Variants in EPHA6 observed in about 807,000 individuals in gnomAD.
The protein encoded by EPHA6 is ephrin type-A receptor 6.
EPHA6 carries 50 observed loss-of-function variants against 112.0 expected under a neutral mutation model. The ratio of observed to expected loss-of-function variants is 0.45; its 90% CI spans 0.36 to 0.56. The LOEUF (loss-of-function observed/expected upper bound fraction) is 0.56. Among genes scored for constraint, EPHA6 ranks in the 20% least tolerant of loss-of-function variants. The probability of loss-of-function intolerance (pLI) is 0.00; values close to 1 mark genes in which losing one functional copy is unlikely to be tolerated. For missense variants in EPHA6, 1,280 were observed against 1,417.4 expected, an observed-to-expected ratio of 0.90 and a Z score of 1.56; for synonymous variants, 529 against 490.7, an observed-to-expected ratio of 1.08 and a Z score of -1.03.
chr3:97,295,719 G>A (rs2080851810), intron 5 of EPHA6, among the ~76,000 whole-genome samples: 1 of 151,956 alleles, frequency 6.6e-6, no homozygotes, highest in African/African-American at 2.4e-5. Flanking sequence ...TTTTACTGAA[G>A]ATGTGTTGAT....
intron 13 of EPHA6, among the ~76,000 whole-genome samples, chr3:97,611,278 T>G (rs2093718152): frequency 6.6e-6 from 1 of 151,888 alleles, no homozygotes; most frequent in Non-Finnish European, 1.5e-5. Context: ...TGACTCAAGT[T>G]CATTTCAGAA....
At chr3:97,597,659 A>T (rs557992170) in intron 12 of EPHA6, among the ~76,000 whole-genome samples, 1 of 152,382 alleles carries the variant, frequency 6.6e-6, no homozygotes, top group South Asian at 2.1e-4. Flanking sequence ...ATGTCTTTAC[A>T]GTACACTAAC....
At chr3:97,079,250 A>G (rs1251238812) in intron 3 of EPHA6, among the ~76,000 whole-genome samples, 1 of 152,200 alleles carries the variant, frequency 6.6e-6, no homozygotes, top group Non-Finnish European at 1.5e-5. Context: ...GATATACACC[A>G]TGGGATACTG....
At chr3:97,432,140 C>T (rs933765150) in intron 6 of EPHA6, among the ~76,000 whole-genome samples, 2 of 152,016 alleles carry the variant, frequency 1.3e-5, no homozygotes, top group Non-Finnish European at 2.9e-5. Flanking sequence ...GTGCCAGACC[C>T]CTGGGAATTT....
intron 5 of EPHA6, among the ~76,000 whole-genome samples, chr3:97,250,078 A>T (rs1321425599): frequency 6.6e-6 from 1 of 152,198 alleles, no homozygotes; most frequent in Admixed American, 6.5e-5. Context: ...TTGAAGAGAA[A>T]ATCTTGTAAC....
intron 13 of EPHA6, among the ~76,000 whole-genome samples, chr3:97,618,253 G>T (rs1281956510): frequency 6.6e-6 from 1 of 152,044 alleles, no homozygotes; most frequent in Admixed American, 6.6e-5. Context: ...CAATGTGCCA[G>T]AATCTCTGGG....
chr3:96,890,815 G>T (rs965715254), intron 2 of EPHA6, among the ~76,000 whole-genome samples: 1 of 152,210 alleles, frequency 6.6e-6, no homozygotes, highest in Non-Finnish European at 1.5e-5. Context: ...GTCAGATGTG[G>T]TGGCTCATGC....
At chr3:97,018,474 C>T (rs1296612976) in intron 3 of EPHA6, among the ~76,000 whole-genome samples, 1 of 152,174 alleles carries the variant, frequency 6.6e-6, no homozygotes, top group African/African-American at 2.4e-5. Context: ...AGTGAGCCAT[C>T]TCCAATGATA....
chr3:96,904,961 G>A (rs1458658167), intron 2 of EPHA6, among the ~76,000 whole-genome samples: 5 of 152,024 alleles, frequency 3.3e-5, no homozygotes, highest in Middle Eastern at 3.2e-3. Flanking sequence ...GATACCCATC[G>A]TATGCATTGA....
chr3:97,370,363 C>CA (rs2084977279), intron 5 of EPHA6, among the ~76,000 whole-genome samples: 1 of 152,132 alleles, frequency 6.6e-6, no homozygotes, highest in Non-Finnish European at 1.5e-5. Flanking sequence ...TCCTTGACCA[C>CA]AAAAAATTCT....
intron 14 of EPHA6, among the ~76,000 whole-genome samples, chr3:97,693,765 G>A (rs971814118): frequency 2.6e-5 from 4 of 152,046 alleles, no homozygotes; most frequent in African/African-American, 4.8e-5. Context: ...CCGAGATCGC[G>A]CCACTGCACT....
In EPHA6 at chr3:97,148,337, G is replaced by C. The variant is rs1029856204; in HGVS notation, c.1115-77927G>C. ...AAAAATTAAAAATTGGTTGGATGTG[G>C]TGGCATGCCCCTGTAGTCCTAGCCT... is the stretch of plus-strand genomic sequence containing the variant. On this transcript the variant is annotated intron_variant, in intron 3 of 17. Transcript: ENST00000389672. Among the ~76,000 whole-genome samples, 77 of 151,996 alleles carry C rather than the reference G, an allele frequency of 5.1e-4. 1 individual carries two copies. Among genetic ancestry groups the C allele is most frequent in the Admixed American group, 6.6e-5 (1 of 15,234 alleles).
intron 14 of EPHA6, chr3:97,646,164 G>C (rs1448736519): frequency 6.5e-7 from 1 of 1,535,534 alleles, no homozygotes; most frequent in Non-Finnish European, 8.7e-7. Flanking sequence ...GGTTAAAGAA[G>C]ATGGTCTGGA....
At chr3:97,354,726 G>A (rs953961159) in intron 5 of EPHA6, among the ~76,000 whole-genome samples, 1 of 152,074 alleles carries the variant, frequency 6.6e-6, no homozygotes, top group African/African-American at 2.4e-5. Context: ...TCCAAACCTA[G>A]AGAAAGATAT....
At chr3:97,497,670 GTTTA>G (rs1309562356) in intron 10 of EPHA6, among the ~76,000 whole-genome samples, 11 of 152,098 alleles carry the variant, frequency 7.2e-5, no homozygotes, top group South Asian at 2.1e-4. Context: ...ATTTACAAGT[GTTTA>G]TTTATCTATT....
chr3:97,367,478 C>T (rs2084800873), intron 5 of EPHA6, among the ~76,000 whole-genome samples: 1 of 152,034 alleles, frequency 6.6e-6, no homozygotes. Flanking sequence ...CAGCTTCTCT[C>T]TCTCACTCTT....
chr3:97,221,159 A>G (rs1576710560), intron 3 of EPHA6, among the ~76,000 whole-genome samples: 1 of 151,936 alleles, frequency 6.6e-6, no homozygotes, highest in South Asian at 2.1e-4. Context: ...CTAAAAATGC[A>G]GAAATTAGAT....
intron 2 of EPHA6, among the ~76,000 whole-genome samples, chr3:96,980,289 C>T (rs1359013681): frequency 6.6e-6 from 1 of 152,168 alleles, no homozygotes; most frequent in African/African-American, 2.4e-5. Context: ...GTTTTCCCAG[C>T]ACCATTTATT....
At position 97,678,935 on chromosome 3, in the gene EPHA6, A is replaced by G. The variant is rs541419728; in HGVS notation, c.2784+40853A>G. Among the ~76,000 whole-genome samples, 122 of 152,280 alleles carry G rather than the reference A, an allele frequency of 8.0e-4. 1 individual carries two copies. Among genetic ancestry groups the G allele is most frequent in the Non-Finnish European group, 1.5e-3 (99 of 68,008 alleles). On this transcript the variant is annotated intron_variant, in intron 14 of 17. Coordinates refer to ENST00000389672, the MANE Select transcript of EPHA6 (RefSeq NM_001080448.3). ...TACCTTTGTGTGTGCATGAGACCCA[A>G]TCTGAAACTCTATCTTTTAATAAAG...
Sources: allele counts gnomAD v4.1 joint callset (sites outside exome capture counted in the v4.1 genomes callset), GRCh38; gene constraint gnomAD v4.1.1; transcripts MANE v1.5; gene names NCBI Gene and HGNC (gene_info 2026-07-23, HGNC 2026-07-21).